Variants in DRAM2 observed in about 807,000 individuals in gnomAD.
DRAM2 encodes DNA damage-regulated autophagy modulator protein 2.
A neutral mutation model predicts 33.5 loss-of-function variants in DRAM2; 26 were observed. The observed-to-expected ratio is 0.78, with a 90% CI of 0.57 to 1.08. The LOEUF (loss-of-function observed/expected upper bound fraction) is 1.08. DRAM2 is among the 50% of genes least tolerant of loss of function. The pLI, the probability that DRAM2 is intolerant of heterozygous loss-of-function variation, is 0.00. For synonymous variants in DRAM2, 98 were observed against 109.5 expected (o/e 0.89, Z 0.66); for missense variants, 311 against 318.1 (o/e 0.98, Z 0.17).
At position 111,118,143 on chromosome 1, in the gene DRAM2, A is replaced by T. The variant is rs2101000063; in HGVS notation, c.*17T>A. 6.2e-7 allele frequency: 1 copy of T among 1,601,602 alleles called. No homozygotes were observed. Reference sequence around the variant, plus strand: ...CCCTGAGAATCATAATCATTACAGAAATATTTTATCCTTTCATCAAATATC... The same window carrying T: ...CCCTGAGAATCATAATCATTACAGATATATTTTATCCTTTCATCAAATATC... On this transcript the variant is annotated 3_prime_UTR_variant, in exon 10 of 10. Coordinates refer to ENST00000484310, the MANE Select transcript of DRAM2 (RefSeq NM_001349884.2).
At chr1:111,123,315 A>AT (rs530235205) in intron 6 of DRAM2, among the ~76,000 whole-genome samples, 21 of 152,102 alleles carry the variant, frequency 1.4e-4, no homozygotes, top group Non-Finnish European at 2.9e-4. Flanking sequence ...CTGCACCCCC[A>AT]TATCTAGCAA....
rs1453160990 is a variant in DRAM2 at position 111,120,509 on chromosome 1, A to C, written c.517+7T>G. On this transcript the variant is annotated splice_region_variant and intron_variant, in intron 7 of 9. Transcript: ENST00000484310. ...CAAGTGTAGCCACATTGTACAGTGAAGGATACTGCTAAGTGCACTTACTCC... is the reference window on the plus strand; with the variant it reads ...CAAGTGTAGCCACATTGTACAGTGACGGATACTGCTAAGTGCACTTACTCC... 1 of 1,587,154 alleles carries C rather than the reference A, an allele frequency of 6.3e-7. No homozygotes were observed. The highest frequency in any genetic ancestry group is 8.6e-7 in the Non-Finnish European group (1 of 1,166,558).
At chr1:111,126,194 T>C (rs1184888516) in intron 5 of DRAM2, 33 bp downstream of exon 5, 2 of 1,417,676 alleles carry the variant, frequency 1.4e-6, no homozygotes, top group Admixed American at 1.7e-5. Context: ...GCAATTTGGC[T>C]ATTATCATGT....
chr1:111,125,747 G>C (rs1442073410), intron 5 of DRAM2: 1 of 152,332 alleles, frequency 6.6e-6, no homozygotes, highest in Admixed American at 6.5e-5. Flanking sequence ...TAAAAATTTG[G>C]TTCAAAATAA....
chr1:111,135,124 GTGGGTCC>G (rs1418420442), intron 3 of DRAM2, among the ~76,000 whole-genome samples: 1 of 152,156 alleles, frequency 6.6e-6, no homozygotes, highest in Non-Finnish European at 1.5e-5. Context: ...GTAGACTTTT[GTGGGTCC>G]TGGCTGAATG....
chr1:111,133,793 C>T lies in DRAM2; in HGVS notation c.-14-2225G>A, dbSNP rs554875912. 2.0e-5 allele frequency among the ~76,000 whole-genome samples: 3 copies of T among 152,318 alleles called. No individual in the cohort carries two copies. In the South Asian group the frequency reaches 6.2e-4, roughly 32 times the overall value. On this transcript the variant is annotated intron_variant, in intron 3 of 9. Coordinates refer to ENST00000484310, the MANE Select transcript of DRAM2 (RefSeq NM_001349884.2). ...CTTATAGATCTTCAAATGTGTCATGCTCTCTAGCACACCTTCAGACATTCA... is the reference window on the plus strand; with the variant it reads ...CTTATAGATCTTCAAATGTGTCATGTTCTCTAGCACACCTTCAGACATTCA...
intron 6 of DRAM2, among the ~76,000 whole-genome samples, chr1:111,121,105 C>T (rs550018576): frequency 6.6e-6 from 1 of 152,042 alleles, no homozygotes; most frequent in Non-Finnish European, 1.5e-5. Context: ...AAGGAAATTC[C>T]AGTGTGTCTG....
intron 7 of DRAM2, 96 bp from the exon 8 acceptor site, chr1:111,120,055 A>G: frequency 9.2e-7 from 1 of 1,083,436 alleles, no homozygotes; most frequent in Non-Finnish European, 1.4e-6. Flanking sequence ...ATTTATTGCT[A>G]AGGTCTAAAC....
intron 6 of DRAM2, among the ~76,000 whole-genome samples, chr1:111,123,824 C>A (rs1316643770): frequency 1.3e-5 from 2 of 152,050 alleles, no homozygotes; most frequent in African/African-American, 4.8e-5. Context: ...CACCCCCTTG[C>A]TTCCTCCCTT....
intron 2 of DRAM2, among the ~76,000 whole-genome samples, chr1:111,137,813 T>C (rs1358276990): frequency 2.6e-5 from 4 of 152,232 alleles, no homozygotes; most frequent in Non-Finnish European, 2.9e-5. Context: ...AATTTTCATA[T>C]GCATTCTCAC....
At chr1:111,119,837 C>T (rs1346495056) in intron 8 of DRAM2, 40 bp downstream of exon 8, 1 of 1,482,910 alleles carries the variant, frequency 6.7e-7, no homozygotes, top group African/African-American at 1.4e-5. Flanking sequence ...AAATAACCAT[C>T]TTTAATATAA....
chr1:111,119,036 A>G (rs934410562), intron 8 of DRAM2, 139 bp from the exon 9 acceptor site: 7 of 506,382 alleles, frequency 1.4e-5, no homozygotes, highest in Non-Finnish European at 6.8e-6. Context: ...CAGGCATATA[A>G]TATCTCTAGA....
At chr1:111,121,128 G>A (rs1649968249) in intron 6 of DRAM2, among the ~76,000 whole-genome samples, 1 of 152,024 alleles carries the variant, frequency 6.6e-6, no homozygotes, top group Non-Finnish European at 1.5e-5. Flanking sequence ...GGTGAAAAGG[G>A]TCATAGGAAA....
intron 3 of DRAM2, among the ~76,000 whole-genome samples, chr1:111,133,340 GCTAAT>G (rs1652512137): frequency 6.6e-6 from 1 of 152,002 alleles, no homozygotes; most frequent in East Asian, 1.9e-4. Context: ...ACCACGTCCG[GCTAAT>G]CTTTGTATTT....
At chr1:111,133,077 A>G (rs893213745) in intron 3 of DRAM2, among the ~76,000 whole-genome samples, 1 of 151,702 alleles carries the variant, frequency 6.6e-6, no homozygotes, top group Non-Finnish European at 1.5e-5. Context: ...CAAAATACCA[A>G]TCTGATCCCC....
intron 3 of DRAM2, among the ~76,000 whole-genome samples, chr1:111,134,471 T>C (rs1386525453): frequency 6.6e-6 from 1 of 152,290 alleles, no homozygotes; most frequent in Non-Finnish European, 1.5e-5. Flanking sequence ...CATTTGCATT[T>C]CATAATCTTC....
chr1:111,137,302 G>A (rs2101134467), intron 3 of DRAM2, among the ~76,000 whole-genome samples: 1 of 150,848 alleles, frequency 6.6e-6, no homozygotes, highest in East Asian at 2.0e-4. Flanking sequence ...AAGTTCTATT[G>A]GACTGTGCTG....
In DRAM2 at chr1:111,118,716, G is replaced by C. The variant is rs1460885545; in HGVS notation, c.693+89C>G. On this transcript the variant is annotated intron_variant, in intron 9 of 9. Transcript: ENST00000484310. ...ACAGTTAATTTTCAAAAAGGCGGGA[G>C]AGTTGCCTATGGAAAGTTCTCTTAG... 10 of 876,292 alleles carry C rather than the reference G, an allele frequency of 1.1e-5. No individual in the cohort carries two copies. The East Asian group carries it at 2.6e-4, about 23-fold the overall frequency. The allele number at this position is 876,292 out of a possible 1,614,324, so 54.3% of individuals were successfully genotyped here. A position where few individuals can be genotyped will look rare whatever the true frequency, so the allele number is the denominator to read the frequency against.
At chr1:111,133,090 A>T (rs1652433972) in intron 3 of DRAM2, among the ~76,000 whole-genome samples, 1 of 151,430 alleles carries the variant, frequency 6.6e-6, no homozygotes, top group South Asian at 2.1e-4. Context: ...TGATCCCCTT[A>T]TTCTCCTACA....
Sources: allele counts gnomAD v4.1 joint callset (sites outside exome capture counted in the v4.1 genomes callset), GRCh38; gene constraint gnomAD v4.1.1; transcripts MANE v1.5; gene names NCBI Gene and HGNC (gene_info 2026-07-23, HGNC 2026-07-21).